TRAPPC9: variants seen among roughly 807,000 people sequenced by gnomAD.
TRAPPC9 encodes the protein IKK2 binding protein.
In TRAPPC9, 83 loss-of-function variants were observed where a neutral mutation model predicts 124.0. The observed-to-expected ratio is 0.67, with a 90% CI of 0.56 to 0.80. The LOEUF is 0.80. TRAPPC9 is among the 30% of genes least tolerant of loss of function. The pLI is 0.00. For missense variants in TRAPPC9, 1,302 were observed against 1,508.3 expected, an observed-to-expected ratio of 0.86 and a Z score of 2.27; for synonymous variants, 638 against 617.5, an observed-to-expected ratio of 1.03 and a Z score of -0.49.
intron 14 of TRAPPC9, among the ~76,000 whole-genome samples, chr8:140,279,015 G>C (rs562854729): frequency 1.3e-5 from 2 of 152,206 alleles, no homozygotes; most frequent in Non-Finnish European, 2.9e-5. Context: ...CTGCGCCATG[G>C]TCTGTATTTA....
chr8:140,101,144 A>G (rs2060571086), intron 17 of TRAPPC9, among the ~76,000 whole-genome samples: 1 of 152,192 alleles, frequency 6.6e-6, no homozygotes, highest in African/African-American at 2.4e-5. Flanking sequence ...CAAAATGAGC[A>G]TATCTTTTTC....
At chr8:140,235,871 T>G (rs1229513437) in intron 16 of TRAPPC9, among the ~76,000 whole-genome samples, 3 of 152,074 alleles carry the variant, frequency 2.0e-5, no homozygotes, top group Non-Finnish European at 2.9e-5. Context: ...ATGAATAAAC[T>G]GTAGTATTTT....
rs74328775 is a variant in TRAPPC9, at chr8:140,104,716, C to G, written c.2557-80637G>C. Reference sequence around the variant, plus strand: ...GGGTGCCATTCCCCCAGCCCAGGCACCAGGCCCGGACCAGCTGTAGTTACC... The same window carrying G: ...GGGTGCCATTCCCCCAGCCCAGGCAGCAGGCCCGGACCAGCTGTAGTTACC... On this transcript the variant is annotated intron_variant, in intron 17 of 22. Transcript: ENST00000438773. This position sits in a 1 kb window ranked among gnomAD's most constrained non-coding sequence, Gnocchi z 4.0. Among the ~76,000 whole-genome samples, 1,950 of 152,296 alleles carry G rather than the reference C, an allele frequency of 0.013. 47 individuals are homozygous for G. Among genetic ancestry groups the G allele is most frequent in the African/African-American group, 0.045 (1,850 of 41,558 alleles).
At chr8:140,118,493 C>T (rs1049251948) in intron 17 of TRAPPC9, among the ~76,000 whole-genome samples, 1 of 152,228 alleles carries the variant, frequency 6.6e-6, no homozygotes, top group Non-Finnish European at 1.5e-5. Context: ...TGGTCTCCTT[C>T]TTTGGGAACT....
chr8:140,322,931 C>A (rs1445359289), intron 9 of TRAPPC9, among the ~76,000 whole-genome samples: 2 of 152,216 alleles, frequency 1.3e-5, no homozygotes, highest in African/African-American at 4.8e-5. Context: ...GCCTGGCATA[C>A]AACTCCTTAA....
At chr8:139,759,967 C>T (rs984068886) in intron 21 of TRAPPC9, among the ~76,000 whole-genome samples, 1 of 152,246 alleles carries the variant, frequency 6.6e-6, no homozygotes, top group Non-Finnish European at 1.5e-5. Flanking sequence ...ACTCAACTCC[C>T]AGCCCTGTCT....
chr8:139,789,569 T>C (rs1052251698), intron 21 of TRAPPC9, among the ~76,000 whole-genome samples: 1 of 152,170 alleles, frequency 6.6e-6, no homozygotes, highest in Non-Finnish European at 1.5e-5. Context: ...CCCAGCATTT[T>C]TGGGCATCTG....
intron 17 of TRAPPC9, among the ~76,000 whole-genome samples, chr8:140,115,830 C>T (rs967817427): frequency 5.3e-5 from 8 of 152,118 alleles, no homozygotes; most frequent in African/African-American, 1.9e-4. Context: ...GCCCGGGGCC[C>T]TTGTTCTCCT....
chr8:140,113,745 C>T (rs1009861026), intron 17 of TRAPPC9, among the ~76,000 whole-genome samples: 1 of 152,156 alleles, frequency 6.6e-6, no homozygotes, highest in African/African-American at 2.4e-5. Context: ...AGGGAGTCTC[C>T]GCAAGCCCAT....
rs781338250 is a variant in TRAPPC9 at position 139,892,556 on chromosome 8, C to T, written c.2965-6587G>A. On this transcript the variant is annotated intron_variant, in intron 20 of 22. Coordinates refer to ENST00000438773, the MANE Select transcript of TRAPPC9 (RefSeq NM_001160372.4). Reference sequence around the variant, plus strand: ...GGCCCTGTGAGCATTACGATGATGACGTCTGCCAGTCACGGGTAACACGCA... The same window carrying T: ...GGCCCTGTGAGCATTACGATGATGATGTCTGCCAGTCACGGGTAACACGCA... 6.4e-4 allele frequency among the ~76,000 whole-genome samples: 97 copies of T among 152,192 alleles called. 2 individuals carry two copies. The highest frequency in any genetic ancestry group is 3.3e-4 in the Admixed American group (5 of 15,290).
At chr8:139,964,873 A>G (rs1196983240) in intron 19 of TRAPPC9, among the ~76,000 whole-genome samples, 3 of 152,206 alleles carry the variant, frequency 2.0e-5, no homozygotes, top group Admixed American at 1.3e-4. Flanking sequence ...GCACTTGAGA[A>G]GCTTACGTGA....
chr8:139,870,058 C>T (rs1828797942), intron 21 of TRAPPC9, among the ~76,000 whole-genome samples: 2 of 152,122 alleles, frequency 1.3e-5, no homozygotes, highest in Non-Finnish European at 2.9e-5. Context: ...TTAAAATATA[C>T]TGTACTGTAA....
chr8:140,212,994 A>C (rs1215757284), intron 17 of TRAPPC9, among the ~76,000 whole-genome samples: 1 of 151,748 alleles, frequency 6.6e-6, no homozygotes, highest in Non-Finnish European at 1.5e-5. Context: ...GCTTGAACCC[A>C]GGAGGCAGAG....
intron 17 of TRAPPC9, among the ~76,000 whole-genome samples, chr8:140,134,349 C>T (rs2061260939): frequency 6.6e-6 from 1 of 152,140 alleles, no homozygotes; most frequent in African/African-American, 2.4e-5. Flanking sequence ...TCACTGCAAC[C>T]TCCGCCTCCT....
In TRAPPC9 at chr8:140,394,650, C is replaced by T. The variant is rs531166520; in HGVS notation, c.1134+2970G>A. On this transcript the variant is annotated intron_variant, in intron 7 of 22. Coordinates refer to ENST00000438773, the MANE Select transcript of TRAPPC9 (RefSeq NM_001160372.4). ...GATGACTTTTATGCAAGACCTGTGA[C>T]AGGAACTGACCTCAGCCTGCGTTGG... Among the ~76,000 whole-genome samples, 21 of 148,670 alleles carry T rather than the reference C, an allele frequency of 1.4e-4. No homozygotes were observed. The South Asian group carries it at 4.7e-3, about 34-fold the overall frequency.
chr8:139,993,369 C>G (rs1460069730), intron 18 of TRAPPC9, among the ~76,000 whole-genome samples: 2 of 152,210 alleles, frequency 1.3e-5, no homozygotes, highest in Non-Finnish European at 2.9e-5. Flanking sequence ...AGTATTATTT[C>G]TCACCCAACC....
intron 19 of TRAPPC9, among the ~76,000 whole-genome samples, chr8:139,918,625 G>A (rs1019790967): frequency 3.3e-5 from 5 of 152,252 alleles, no homozygotes; most frequent in Admixed American, 6.5e-5. Context: ...TGTTCTCAGC[G>A]TGGAAGTGCC....
chr8:139,998,662 C>T (rs1838197696), intron 18 of TRAPPC9, among the ~76,000 whole-genome samples: 1 of 152,140 alleles, frequency 6.6e-6, no homozygotes, highest in African/African-American at 2.4e-5. Context: ...GCAGAGCTTG[C>T]AGTGAGCCTA....
chr8:139,891,006 C>A (rs1443970140), intron 20 of TRAPPC9, among the ~76,000 whole-genome samples: 5 of 152,166 alleles, frequency 3.3e-5, no homozygotes, highest in Non-Finnish European at 7.3e-5. Flanking sequence ...TTCCCCTACC[C>A]TGTCCACGGC....
Sources: gnomAD v4.1 joint callset for allele counts (sites outside exome capture counted in the v4.1 genomes callset) on GRCh38, gnomAD v4.1.1 for gene constraint, Gnocchi (gnomAD v3.1) non-coding constraint, MANE v1.5 for transcripts, NCBI Gene and HGNC (gene_info 2026-07-23, HGNC 2026-07-21) for gene names.